ITSN2: variants seen among roughly 807,000 people sequenced by gnomAD.
ITSN2 encodes the protein intersectin-2.
A neutral mutation model predicts 243.7 loss-of-function variants in ITSN2; 156 were observed. The observed-to-expected ratio is 0.64, with a 90% CI of 0.56 to 0.73. The LOEUF (loss-of-function observed/expected upper bound fraction) is 0.73. ITSN2 is among the 30% of genes least tolerant of loss of function. The pLI is 0.00. For missense variants in ITSN2, 1,801 were observed against 1,996.1 expected, an observed-to-expected ratio of 0.90 and a Z score of 1.86; for synonymous variants, 703 against 699.9, an observed-to-expected ratio of 1.00 and a Z score of -0.07.
At chr2:24,283,897 A>G (rs1574143602) in intron 17 of ITSN2, among the ~76,000 whole-genome samples, 1 of 152,184 alleles carries the variant, frequency 6.6e-6, no homozygotes, top group Non-Finnish European at 1.5e-5. Context: ...AGTTCTAAAA[A>G]CCATATAATC....
At chr2:24,331,844 C>T (rs1158246720) in intron 1 of ITSN2, among the ~76,000 whole-genome samples, 1 of 152,170 alleles carries the variant, frequency 6.6e-6, no homozygotes, top group Non-Finnish European at 1.5e-5. Context: ...AGTTGTTAAA[C>T]AATATGCTAA....
intron 15 of ITSN2, among the ~76,000 whole-genome samples, chr2:24,288,481 G>T (rs1054182594): frequency 6.6e-6 from 1 of 151,892 alleles, no homozygotes; most frequent in Non-Finnish European, 1.5e-5. Flanking sequence ...GCATAATTTA[G>T]CTAATTAACA....
chr2:24,332,242 CA>C (rs931341186), intron 1 of ITSN2, among the ~76,000 whole-genome samples: 62 of 149,328 alleles, frequency 4.2e-4, no homozygotes, highest in Non-Finnish European at 6.7e-4. Context: ...AACTCCGTCT[CA>C]AAAAAAAAGG....
chr2:24,331,681 A>G (rs971031308), intron 1 of ITSN2, among the ~76,000 whole-genome samples: 1 of 152,016 alleles, frequency 6.6e-6, no homozygotes, highest in African/African-American at 2.4e-5. Flanking sequence ...ATCTGTTGAG[A>G]CCTGACCCCC....
intron 37 of ITSN2, 108 bp from the exon 38 acceptor site, chr2:24,205,405 C>T: frequency 1.1e-6 from 1 of 906,198 alleles, no homozygotes; most frequent in South Asian, 1.4e-5. Context: ...CTGCCACTGC[C>T]CTGGGCCCAA....
rs1482813125 is a variant in ITSN2 at position 24,271,802 on chromosome 2, T to G, written c.2221A>C (p.Lys741Gln). The change falls in exon 19 of 40, where the codon AAG (lysine) becomes CAG (glutamine). Residue 741 changes from lysine to glutamine, a missense_variant. This residue lies in a region of ITSN2 where 787 missense variants were observed against 803.9 expected (regional missense o/e 0.98). Coordinates refer to ENST00000355123, the MANE Select transcript of ITSN2 (RefSeq NM_006277.3). The part of the protein sequence containing the change: ...EERKAEEKQR[K>Q]DKDTLKAEEK... ...TCAGCTTTCAAAGTATCCTTATCCT[T>G]ACGTTGTTTCTCCTCAGCTTTCCGT... The G allele has an allele frequency of 1.9e-6, 3 of 1,605,842 alleles. No homozygotes were observed. Among genetic ancestry groups the G allele is most frequent in the East Asian group, 2.2e-5 (1 of 44,778 alleles).
chr2:24,253,597 A>T (rs1674635501), intron 24 of ITSN2, among the ~76,000 whole-genome samples: 1 of 152,226 alleles, frequency 6.6e-6, no homozygotes, highest in Non-Finnish European at 1.5e-5. Flanking sequence ...GTCCTACTCT[A>T]AATTGGTTTT....
At chr2:24,235,213 A>G (rs1362970709) in intron 29 of ITSN2, among the ~76,000 whole-genome samples, 1 of 152,194 alleles carries the variant, frequency 6.6e-6, no homozygotes, top group Admixed American at 6.5e-5. Flanking sequence ...CCTATTACTA[A>G]GTAAAAGAAG....
In ITSN2 at chr2:24,222,027, T is replaced by C. The variant is rs571894106; in HGVS notation, c.3578-961A>G. Among the ~76,000 whole-genome samples the C allele has an allele frequency of 1.1e-4, 17 of 151,662 alleles. No individual in the cohort carries two copies. In the East Asian group the frequency reaches 2.3e-3, roughly 21 times the overall value. On this transcript the variant is annotated intron_variant, in intron 29 of 39. Coordinates refer to ENST00000355123, the MANE Select transcript of ITSN2 (RefSeq NM_006277.3). ...CAGCACTTTGGGAGGCCAAGGTGGG[T>C]GTATCACGAGGTCAGGAGATCGAGA...
chr2:24,352,817 A>AT (rs2151946122), intron 1 of ITSN2, among the ~76,000 whole-genome samples: 1 of 152,318 alleles, frequency 6.6e-6, no homozygotes, highest in South Asian at 2.1e-4. Context: ...ACAAAGGGGG[A>AT]TAAAAATACC....
intron 1 of ITSN2, among the ~76,000 whole-genome samples, chr2:24,343,173 C>T (rs1331873452): frequency 6.6e-6 from 1 of 151,642 alleles, no homozygotes; most frequent in Admixed American, 6.6e-5. Context: ...ATGTTAATGC[C>T]TAGCTGATAC....
In ITSN2 at chr2:24,248,490, T is replaced by C. The variant is rs1673690299; in HGVS notation, c.3288+139A>G. 1.0e-5 allele frequency: 6 copies of C among 588,146 alleles called. No homozygotes were observed. The South Asian group carries it at 2.1e-4, about 21-fold the overall frequency. 36.4% of individuals were successfully genotyped at this position (588,146 alleles called of 1,614,324 possible). A position where few individuals can be genotyped will look rare whatever the true frequency, so the allele number is the denominator to read the frequency against. ...ACACAAGAGACTAAAGGAAATATAA[T>C]GCAGTAAAATATTGATATTGATTAC... On this transcript the variant is annotated intron_variant, in intron 27 of 39. Transcript: ENST00000355123.
intron 1 of ITSN2, among the ~76,000 whole-genome samples, chr2:24,328,845 G>A (rs568556295): frequency 4.2e-4 from 64 of 152,196 alleles, no homozygotes; most frequent in African/African-American, 1.5e-3. Context: ...AGCTCAAGGG[G>A]TTTATAAAAT....
intron 10 of ITSN2, among the ~76,000 whole-genome samples, chr2:24,301,490 C>T (rs1681723769): frequency 6.6e-6 from 1 of 151,548 alleles, no homozygotes; most frequent in Admixed American, 6.6e-5. Context: ...AGTCATTAGC[C>T]TCCTTATGTA....
At chr2:24,337,340 A>G (rs187727393) in intron 1 of ITSN2, among the ~76,000 whole-genome samples, 5 of 112,352 alleles carry the variant, frequency 4.5e-5, no homozygotes, top group Non-Finnish European at 9.1e-5. Flanking sequence ...ATATATATAT[A>G]TATATATATA....
Position 24,308,874 on chromosome 2 carries a change from C to A in ITSN2, c.654-118G>T, listed in dbSNP as rs551576422. 370 of 695,436 alleles carry A rather than the reference C, an allele frequency of 5.3e-4. 1 individual carries two copies. In the African/African-American group the frequency reaches 5.3e-3, roughly 10 times the overall value. The allele number at this position is 695,436 out of a possible 1,614,324, so 43.1% of individuals were successfully genotyped here. A position where few individuals can be genotyped will look rare whatever the true frequency, so the allele number is the denominator to read the frequency against. On this transcript the variant is annotated intron_variant, in intron 7 of 39. Transcript: ENST00000355123. ...CAGGGGTCCTGAACCCCCGGGCCAC[C>A]GACCTGTTAGGAACCGGGCTGGACA...
At chr2:24,347,600 C>T (rs761105488) in intron 1 of ITSN2, among the ~76,000 whole-genome samples, 6 of 152,082 alleles carry the variant, frequency 3.9e-5, no homozygotes, top group Non-Finnish European at 7.4e-5. Context: ...GCAGGAAAAT[C>T]GCTTGAACCC....
rs1341889560 is a variant in ITSN2 at position 24,299,089 on chromosome 2, GCACCACCTTGGCTCACTGCAACCTC to G, written c.1345-300_1345-276del. Among the ~76,000 whole-genome samples, 7 of 148,624 alleles carry G rather than the reference GCACCACCTTGGCTCACTGCAACCTC, an allele frequency of 4.7e-5. No homozygotes were observed. In the South Asian group the frequency reaches 6.4e-4, roughly 14 times the overall value. On this transcript the variant is annotated intron_variant, in intron 12 of 39. Transcript: ENST00000355123. ...CTGTCACCCAGGCTGGAGTGCAGTG[GCACCACCTTGGCTCACTGCAACCTC>G]CACCACCTGGGCTCAAGCGATTCTC...
At chr2:24,345,945 A>T (rs1362874152) in intron 1 of ITSN2, among the ~76,000 whole-genome samples, 1 of 152,136 alleles carries the variant, frequency 6.6e-6, no homozygotes. Flanking sequence ...TAGTACCTCT[A>T]TGATTTAAGG....
Sources: allele counts gnomAD v4.1 joint callset (sites outside exome capture counted in the v4.1 genomes callset), GRCh38; gene constraint gnomAD v4.1.1; regional missense constraint gnomAD v4.1.1; transcripts MANE v1.5; gene names NCBI Gene and HGNC (gene_info 2026-07-23, HGNC 2026-07-21).